Variants in JAK2 observed in about 807,000 individuals in gnomAD.
JAK2 encodes tyrosine-protein kinase JAK2.
In JAK2, 86 loss-of-function variants were observed where a neutral mutation model predicts 139.3. That is an observed-to-expected ratio of 0.62 (90% confidence interval 0.52 to 0.74). The LOEUF (loss-of-function observed/expected upper bound fraction) is 0.74. Among genes scored for constraint, JAK2 ranks in the 30% least tolerant of loss-of-function variants. The pLI is 0.00. For missense variants in JAK2, 1,421 were observed against 1,360.3 expected, an observed-to-expected ratio of 1.04 and a Z score of -0.70; for synonymous variants, 490 against 437.7, an observed-to-expected ratio of 1.12 and a Z score of -1.49.
chr9:5,069,794 T>C (rs1818824247), intron 11 of JAK2, 131 bp from the exon 12 acceptor site: 1 of 450,086 alleles, frequency 2.2e-6, no homozygotes, highest in Non-Finnish European at 3.7e-6. Flanking sequence ...AATTTTCTAT[T>C]ATAAAAAAAG....
intron 19 of JAK2, 28 bp downstream of exon 19, chr9:5,081,889 A>C (rs757175771): frequency 3.8e-6 from 6 of 1,568,904 alleles, no homozygotes; most frequent in South Asian, 2.3e-5. Flanking sequence ...TTTCAAATAG[A>C]GTATAATCAT....
chr9:5,064,245 G>A (rs1421524790), intron 8 of JAK2, among the ~76,000 whole-genome samples: 1 of 152,108 alleles, frequency 6.6e-6, no homozygotes, highest in Admixed American at 6.5e-5. Context: ...TAATTGGTAT[G>A]TAGGGCTGAT....
At chr9:5,065,724 C>T (rs1818522757) in intron 9 of JAK2, among the ~76,000 whole-genome samples, 2 of 152,164 alleles carry the variant, frequency 1.3e-5, no homozygotes, top group Non-Finnish European at 2.9e-5. Context: ...ATCTATTTAG[C>T]TTAAGTCCTA....
intron 23 of JAK2, among the ~76,000 whole-genome samples, chr9:5,125,634 A>C (rs1823934780): frequency 6.6e-6 from 1 of 151,596 alleles, no homozygotes. Flanking sequence ...ATAGGGATGT[A>C]CATTTCATCA....
At chr9:5,038,555 T>C (rs1816242227) in intron 4 of JAK2, among the ~76,000 whole-genome samples, 1 of 151,784 alleles carries the variant, frequency 6.6e-6, no homozygotes, top group Non-Finnish European at 1.5e-5. Context: ...TGAATATGTC[T>C]TATCTGAAAT....
intron 3 of JAK2, 26 bp from the exon 4 acceptor site, chr9:5,029,757 A>C: frequency 6.3e-7 from 1 of 1,589,956 alleles, no homozygotes. Context: ...TACCTTTAAT[A>C]ATTCCTTTCT....
chr9:5,063,968 C>T lies in JAK2; in HGVS notation c.1057-915C>T, dbSNP rs142448264. On this transcript the variant is annotated intron_variant, in intron 8 of 24. Coordinates refer to ENST00000381652, the MANE Select transcript of JAK2 (RefSeq NM_004972.4). ...GTCAGGAATTTGAGACCAGCCTGGC[C>T]AACATGTTGAAACTCTGTCTCTACT... Among the ~76,000 whole-genome samples, 545 of 152,216 alleles carry T rather than the reference C, an allele frequency of 3.6e-3. 2 individuals carry two copies. Among genetic ancestry groups the T allele is most frequent in the East Asian group, 9.1e-3 (47 of 5,176 alleles).
At chr9:5,069,647 A>T (rs922285657) in intron 11 of JAK2, among the ~76,000 whole-genome samples, 1 of 152,164 alleles carries the variant, frequency 6.6e-6, no homozygotes, top group Non-Finnish European at 1.5e-5. Context: ...GGAAGTTACT[A>T]TAATTTTGAA....
Position 5,055,793 on chromosome 9 carries a change from GT to G in JAK2, c.1056+8del. On this transcript the variant is annotated splice_donor_region_variant and intron_variant, in intron 8 of 24. Coordinates refer to ENST00000381652, the MANE Select transcript of JAK2 (RefSeq NM_004972.4). ...AAGCAAGATGGTAAAAATCTGGTAA[GT>G]TTGCTTTATGATTGAATAATGGTTT... The G allele has an allele frequency of 6.2e-7, 1 of 1,607,738 alleles. No individual in the cohort carries two copies.
At chr9:5,026,570 T>A (rs1822796273) in intron 3 of JAK2, among the ~76,000 whole-genome samples, 1 of 152,206 alleles carries the variant, frequency 6.6e-6, no homozygotes, top group South Asian at 2.1e-4. Context: ...GCCTTATGTT[T>A]TAAATATATA....
chr9:5,061,232 T>C (rs889746572), intron 8 of JAK2, among the ~76,000 whole-genome samples: 3 of 152,228 alleles, frequency 2.0e-5, no homozygotes, highest in African/African-American at 7.2e-5. Flanking sequence ...AAGTCACCAA[T>C]GGCATAGGCC....
At chr9:5,107,610 T>C (rs544762111) in intron 22 of JAK2, among the ~76,000 whole-genome samples, 1 of 152,274 alleles carries the variant, frequency 6.6e-6, no homozygotes, top group African/African-American at 2.4e-5. Context: ...TTCGATTCAT[T>C]AGATTATAAT....
At chr9:5,010,197 C>T (rs1362293799) in intron 2 of JAK2, among the ~76,000 whole-genome samples, 1 of 152,114 alleles carries the variant, frequency 6.6e-6, no homozygotes, top group Admixed American at 6.6e-5. Flanking sequence ...TTGTCGGAGC[C>T]GCCATGAATT....
intron 22 of JAK2, chr9:5,091,656 G>A (rs911197027): frequency 4.6e-5 from 7 of 152,124 alleles, no homozygotes; most frequent in African/African-American, 1.7e-4. Flanking sequence ...TACAGTAATG[G>A]AGGCTGAAGT....
intron 6 of JAK2, among the ~76,000 whole-genome samples, chr9:5,053,792 A>G (rs1251967169): frequency 6.6e-6 from 1 of 152,000 alleles, no homozygotes; most frequent in Non-Finnish European, 1.5e-5. Flanking sequence ...TACATCTAAT[A>G]TGCCACAGAA....
intron 19 of JAK2, among the ~76,000 whole-genome samples, chr9:5,083,321 G>C (rs1563986716): frequency 1.3e-5 from 2 of 152,152 alleles, no homozygotes; most frequent in Non-Finnish European, 2.9e-5. Flanking sequence ...AGTAAGACCA[G>C]GGAATGCTCA....
chr9:5,025,436 T>A (rs1457118979), intron 3 of JAK2, among the ~76,000 whole-genome samples: 1 of 152,150 alleles, frequency 6.6e-6, no homozygotes, highest in African/African-American at 2.4e-5. Flanking sequence ...TTTTTCTTTC[T>A]TCATTGTTAT....
chr9:5,011,927 A>T (rs1821729147), intron 2 of JAK2, among the ~76,000 whole-genome samples: 1 of 152,172 alleles, frequency 6.6e-6, no homozygotes. Flanking sequence ...AAAGCCTGAG[A>T]TATTTACCAG....
intron 19 of JAK2, chr9:5,085,380 T>TG: frequency 1.1e-6 from 1 of 900,610 alleles, no homozygotes; most frequent in Non-Finnish European, 1.9e-6. Flanking sequence ...CATGCACCAC[T>TG]GGGTCGGGGC....
Sources: allele counts gnomAD v4.1 joint callset (sites outside exome capture counted in the v4.1 genomes callset), GRCh38; gene constraint gnomAD v4.1.1; transcripts MANE v1.5; gene names NCBI Gene and HGNC (gene_info 2026-07-23, HGNC 2026-07-21).